KIF5B: variants seen among roughly 807,000 people sequenced by gnomAD.
KIF5B encodes kinesin-1 heavy chain.
A neutral mutation model predicts 132.8 loss-of-function variants in KIF5B; 49 were observed. The observed-to-expected ratio is 0.37, with a 90% CI of 0.29 to 0.47. The LOEUF (loss-of-function observed/expected upper bound fraction) is 0.47. Ranked by LOEUF, KIF5B falls within the 20% of genes least tolerant of loss-of-function variation. KIF5B has a pLI of 1.00. For synonymous variants in KIF5B, 355 were observed against 369.4 expected (o/e 0.96, Z 0.45); for missense variants, 780 against 1,144.0 (o/e 0.68, Z 4.59).
In KIF5B at chr10:32,021,032, C is replaced by A; in HGVS notation, c.2194G>T (p.Asp732Tyr). The A allele has an allele frequency of 6.4e-7, 1 of 1,570,240 alleles. No individual in the cohort carries two copies. Among genetic ancestry groups the A allele is most frequent in the Non-Finnish European group, 8.8e-7 (1 of 1,140,568 alleles). The change falls in exon 19 of 26, where the codon GAT (aspartate) becomes TAT (tyrosine). Residue 732 changes from aspartate to tyrosine, a missense_variant. Coordinates refer to ENST00000302418, the MANE Select transcript of KIF5B (RefSeq NM_004521.3). Reference sequence around the variant, plus strand: ...AAGTATAATACTTACTCTTGAAGATCAGTAATAAGTTTTGCTTTTGCTTCT... The same window carrying A: ...AAGTATAATACTTACTCTTGAAGATAAGTAATAAGTTTTGCTTTTGCTTCT... The part of the protein sequence containing the change: ...EVEAKAKLIT[D>Y]LQDQNQKMML...
intron 20 of KIF5B, among the ~76,000 whole-genome samples, chr10:32,019,460 G>C (rs1049913004): frequency 4.6e-5 from 7 of 152,252 alleles, no homozygotes; most frequent in Middle Eastern, 3.4e-3. Flanking sequence ...AAAATGGCAA[G>C]GCTAAACACC....
chr10:32,034,699 A>G lies in KIF5B; in HGVS notation c.1102T>C (p.Trp368Arg). The part of the protein sequence containing the change: ...IQWLENELNR[W>R]RNGETVPIDE... ...ATTCTTAAGTTATTACCATTACGCC[A>G]TCTGTTGAGCTCATTTTCAAGCCAC... is the stretch of plus-strand genomic sequence containing the variant. Residue 368 changes from tryptophan (W) to arginine (R), a missense_variant, in exon 11 of 26, where the codon TGG becomes CGG. Trp to Arg is a moderately radical substitution (Grantham distance 101). Coordinates refer to ENST00000302418, the MANE Select transcript of KIF5B (RefSeq NM_004521.3). 2 of 1,586,446 alleles carry G rather than the reference A, an allele frequency of 1.3e-6. No homozygotes were observed. The highest frequency in any genetic ancestry group is 1.7e-6 in the Non-Finnish European group (2 of 1,170,312).
At chr10:32,017,787 C>T (rs531797790) in intron 23 of KIF5B, among the ~76,000 whole-genome samples, 5 of 152,184 alleles carry the variant, frequency 3.3e-5, no homozygotes, top group African/African-American at 1.2e-4. Context: ...TCAAAATTAC[C>T]ATGAATAAAT....
rs1407970759 is a variant in KIF5B at position 32,009,327 on chromosome 10, G to C, written c.*2210C>G. 1 of 152,164 alleles carries C rather than the reference G, an allele frequency of 6.6e-6. No individual in the cohort carries two copies. Among genetic ancestry groups the C allele is most frequent in the Non-Finnish European group, 1.5e-5 (1 of 68,036 alleles). 9.4% of individuals were successfully genotyped at this position (152,164 alleles called of 1,614,324 possible). ...CTGAACCATCTATCAATGCCATTCA[G>C]AGGAACGTTAATATATCCAGTCAAA... On this transcript the variant is annotated 3_prime_UTR_variant, in exon 26 of 26. Coordinates refer to ENST00000302418, the MANE Select transcript of KIF5B (RefSeq NM_004521.3).
Position 32,055,953 on chromosome 10 carries a change from G to A in KIF5B, c.21C>T (p.Cys7=), listed in dbSNP as rs766983396. ...TGAAGCGACACATCACTTTGATGTT[G>A]CACTCGGCCAGGTCCGCCATCTTTC... MADLAE[C]NIKVMCRFRP... is the part of the protein sequence containing the mutation. The change falls in exon 1 of 26, where the codon TGC becomes TGT. Residue 7 remains cysteine (C), a synonymous_variant. Coordinates refer to ENST00000302418, the MANE Select transcript of KIF5B (RefSeq NM_004521.3). 9 of 1,608,776 alleles carry A rather than the reference G, an allele frequency of 5.6e-6. No individual in the cohort carries two copies. The East Asian group carries it at 6.7e-5, about 12-fold the overall frequency.
rs527656474 is a variant in KIF5B at position 32,016,032 on chromosome 10, T to C, written c.2762-373A>G. On this transcript the variant is annotated intron_variant, in intron 24 of 25. Coordinates refer to ENST00000302418, the MANE Select transcript of KIF5B (RefSeq NM_004521.3). ...GGTGGCGTGCACCTGTAGTCCCAGC[T>C]ACTTGGAAGGCTGAGGTGGGAGGAT... 9.1e-4 allele frequency among the ~76,000 whole-genome samples: 138 copies of C among 152,096 alleles called. 2 individuals are homozygous for C. The highest frequency in any genetic ancestry group is 3.7e-3 in the South Asian group (18 of 4,816).
intron 15 of KIF5B, among the ~76,000 whole-genome samples, chr10:32,025,587 G>A (rs1482558346): frequency 6.6e-6 from 1 of 152,084 alleles, no homozygotes; most frequent in Non-Finnish European, 1.5e-5. Context: ...CTTTGGCCAG[G>A]CTGGTCTCAA....
At position 32,056,006 on chromosome 10, in the gene KIF5B, C is replaced by G; in HGVS notation, c.-33G>C. 1 of 1,598,266 alleles carries G rather than the reference C, an allele frequency of 6.3e-7. No individual in the cohort carries two copies. The highest frequency in any genetic ancestry group is 8.5e-7 in the Non-Finnish European group (1 of 1,179,268). ...GCAGCCGGGGCCGGCGGCCGGGAGC[C>G]ACTCCCCGCCGCTCAGTCTTGCAGG... is the stretch of plus-strand genomic sequence containing the variant. On this transcript the variant is annotated 5_prime_UTR_variant, in exon 1 of 26. Coordinates refer to ENST00000302418, the MANE Select transcript of KIF5B (RefSeq NM_004521.3).
Position 32,017,191 on chromosome 10 carries a change from C to CT in KIF5B, c.2712dup (p.Ala905SerfsTer18), listed in dbSNP as rs750467260. On this transcript the variant is annotated frameshift_variant, in exon 24 of 26. Coordinates refer to ENST00000302418, the MANE Select transcript of KIF5B (RefSeq NM_004521.3). LOFTEE classifies it high-confidence loss of function. The stretch of plus-strand genomic sequence containing the variant: ...CTGGCCATATTCTTTGACCTGACTG[C>CT]TTCCTTTATGCGATCTACTTCTTGC... 6.2e-7 allele frequency: 1 copy of CT among 1,614,110 alleles called. No homozygotes were observed.
chr10:32,017,027 G>C (rs920521634), intron 24 of KIF5B, 116 bp downstream of exon 24: 1 of 842,782 alleles, frequency 1.2e-6, no homozygotes, highest in Non-Finnish European at 2.0e-6. Flanking sequence ...ACTCTGCTAA[G>C]TTAGAAAATA....
At position 32,024,358 on chromosome 10, in the gene KIF5B, T is replaced by G. The variant is rs1215109119; in HGVS notation, c.1726-1322A>C. Among the ~76,000 whole-genome samples the G allele has an allele frequency of 2.1e-5, 3 of 146,238 alleles. No homozygotes were observed. The East Asian group carries it at 6.2e-4, about 30-fold the overall frequency. ...TTTAGTAGAGACGGGGTTTCACCGT[T>G]TTAGCCAGGATGGTCTTGATCTCCT... On this transcript the variant is annotated intron_variant, in intron 15 of 25. Coordinates refer to ENST00000302418, the MANE Select transcript of KIF5B (RefSeq NM_004521.3).
At position 32,037,276 on chromosome 10, in the gene KIF5B, A is replaced by G. The variant is rs1841473791; in HGVS notation, c.689T>C (p.Val230Ala). ...EQKLSGKLYL[V>A]DLAGSEKVSK... ...TACCTTTTCACTACCAGCTAAATCA[A>G]CCAGATAAAGTTTTCCACTCAGCTT... Residue 230 changes from valine (V) to alanine (A), a missense_variant, in exon 8 of 26, where the codon GTT (valine) becomes GCT (alanine). Physicochemically the swap from Val to Ala is moderately conservative, Grantham distance 64. This residue lies in a region of KIF5B where 15 missense variants were observed against 65.0 expected (regional missense o/e 0.23). Transcript: ENST00000302418. The G allele has an allele frequency of 6.2e-7, 1 of 1,613,386 alleles. No individual in the cohort carries two copies. The highest frequency in any genetic ancestry group is 8.5e-7 in the Non-Finnish European group (1 of 1,179,828).
chr10:32,036,870 A>G (rs1841467045), intron 8 of KIF5B, among the ~76,000 whole-genome samples: 1 of 152,214 alleles, frequency 6.6e-6, no homozygotes, highest in South Asian at 2.1e-4. Flanking sequence ...AATAAGTCCA[A>G]CCAAACCAGA....
intron 16 of KIF5B, among the ~76,000 whole-genome samples, 198 bp downstream of exon 16, chr10:32,022,650 G>A (rs1841279400): frequency 6.6e-6 from 1 of 152,036 alleles, no homozygotes; most frequent in African/African-American, 2.4e-5. Flanking sequence ...CATCATTCTG[G>A]TAAATTTCTA....
intron 25 of KIF5B, among the ~76,000 whole-genome samples, chr10:32,011,939 A>G (rs201066010): frequency 0.013 from 1,900 of 151,298 alleles, 37 homozygotes; most frequent in African/African-American, 0.043. Flanking sequence ...TAAAAAAAAA[A>G]GGGGGAGAGG....
chr10:32,014,419 G>C (rs1415087031), intron 25 of KIF5B, among the ~76,000 whole-genome samples: 5 of 151,024 alleles, frequency 3.3e-5, no homozygotes, highest in African/African-American at 1.2e-4. Context: ...TGTGGGGTTT[G>C]TGGGGGCAGG....
intron 19 of KIF5B, among the ~76,000 whole-genome samples, chr10:32,020,748 CTAAA>C (rs1329219612): frequency 6.6e-6 from 1 of 151,874 alleles, no homozygotes; most frequent in African/African-American, 2.4e-5. Context: ...AAAAAGGAAA[CTAAA>C]TAAAGGATTT....
In KIF5B at chr10:32,018,513, C is replaced by T. The variant is rs746975506; in HGVS notation, c.2356G>A (p.Glu786Lys). Reference sequence around the variant, plus strand: ...CATGTTTTTCTTACCACTGTCTCTTCCAAACCCTTCAAGTCTTGTCTTGCT... The same window carrying T: ...CATGTTTTTCTTACCACTGTCTCTTTCAAACCCTTCAAGTCTTGTCTTGCT... ...EQARQDLKGL[E>K]ETVAKELQTL... Residue 786 changes from glutamate to lysine, a missense_variant, in exon 21 of 26, where the codon GAA becomes AAA. Around this residue, in one of 9 missense-constraint regions of KIF5B, gnomAD observed 471 missense variants for 569.9 expected, o/e 0.83. Transcript: ENST00000302418. 1 of 1,613,316 alleles carries T rather than the reference C, an allele frequency of 6.2e-7. No individual in the cohort carries two copies. Among genetic ancestry groups the T allele is most frequent in the East Asian group, 2.2e-5 (1 of 44,860 alleles).
At chr10:32,023,100 A>G in intron 15 of KIF5B, 64 bp from the exon 16 acceptor site, 6 of 828,738 alleles carry the variant, frequency 7.2e-6, no homozygotes, top group Non-Finnish European at 1.1e-5. Flanking sequence ...TTTCCCAATT[A>G]GGCTATAAAA....
Sources: allele counts gnomAD v4.1 joint callset (sites outside exome capture counted in the v4.1 genomes callset), GRCh38; gene constraint gnomAD v4.1.1; regional missense constraint gnomAD v4.1.1; transcripts MANE v1.5; gene names NCBI Gene and HGNC (gene_info 2026-07-23, HGNC 2026-07-21).